Variants in ATG4C observed in about 807,000 individuals in gnomAD.
The protein encoded by ATG4C is cysteine protease ATG4C.
In ATG4C, 56 loss-of-function variants were observed where a neutral mutation model predicts 57.6. The observed-to-expected ratio is 0.97, with a 90% CI of 0.78 to 1.21. ATG4C has a LOEUF of 1.21. Ranked by LOEUF, ATG4C falls within the 50% of genes most tolerant of loss-of-function variation. The probability of loss-of-function intolerance (pLI) is 0.00; values close to 1 mark genes in which losing one functional copy is unlikely to be tolerated. For synonymous variants in ATG4C, 157 were observed against 174.1 expected, an observed-to-expected ratio of 0.90 and a Z score of 0.78; for missense variants, 595 against 529.8, an observed-to-expected ratio of 1.12 and a Z score of -1.21.
chr1:62,826,476 T>C (rs1372144340), intron 6 of ATG4C, among the ~76,000 whole-genome samples: 1 of 151,920 alleles, frequency 6.6e-6, no homozygotes, highest in African/African-American at 2.4e-5. Flanking sequence ...GACCTCGTGA[T>C]CTGCCCACCT....
At chr1:62,808,384 G>A (rs189056669) in intron 3 of ATG4C, among the ~76,000 whole-genome samples, 3 of 152,154 alleles carry the variant, frequency 2.0e-5, no homozygotes, top group African/African-American at 4.8e-5. Context: ...ATTTAAATTC[G>A]GGTATGTGTT....
chr1:62,864,787 T>G lies in ATG4C; in HGVS notation c.*628T>G, dbSNP rs1666956397. On this transcript the variant is annotated 3_prime_UTR_variant, in exon 11 of 11. Coordinates refer to ENST00000317868, the MANE Select transcript of ATG4C (RefSeq NM_032852.4). ...AGGAGTGAATATAAAGTATTGGTTT[T>G]CCCTCACAAATTTAAAGATTATGTT... 6.6e-6 allele frequency: 1 copy of G among 151,988 alleles called. No individual in the cohort carries two copies. 9.4% of individuals were successfully genotyped at this position (151,988 alleles called of 1,614,324 possible). A position where few individuals can be genotyped will look rare whatever the true frequency, so the allele number is the denominator to read the frequency against.
At chr1:62,845,635 A>G (rs981102578) in intron 10 of ATG4C, among the ~76,000 whole-genome samples, 23 of 152,188 alleles carry the variant, frequency 1.5e-4, no homozygotes, top group African/African-American at 4.3e-4. Context: ...TCATAAACAT[A>G]TTCTCCTATA....
chr1:62,799,602 T>C (rs1664588045), intron 1 of ATG4C, among the ~76,000 whole-genome samples: 1 of 152,200 alleles, frequency 6.6e-6, no homozygotes, highest in Admixed American at 6.5e-5. Flanking sequence ...TTTCTGTATC[T>C]ATCACAGCAT....
intron 1 of ATG4C, among the ~76,000 whole-genome samples, chr1:62,793,987 T>A (rs865773925): frequency 6.6e-6 from 1 of 152,240 alleles, no homozygotes; most frequent in Non-Finnish European, 1.5e-5. Flanking sequence ...CTTCGACTTA[T>A]CAGAGGTTAC....
At chr1:62,834,003 C>T (rs771858498) in intron 7 of ATG4C, 35 bp from the exon 8 acceptor site, 8 of 1,575,020 alleles carry the variant, frequency 5.1e-6, no homozygotes, top group East Asian at 2.3e-5. Context: ...TACCACTTGC[C>T]TCTTGACTAA....
At chr1:62,822,132 A>G (rs570307900) in intron 6 of ATG4C, among the ~76,000 whole-genome samples, 6 of 152,308 alleles carry the variant, frequency 3.9e-5, no homozygotes, top group Non-Finnish European at 7.4e-5. Context: ...ACTGTTAACA[A>G]TGATAAAATA....
chr1:62,837,970 A>C (rs1340598480), intron 9 of ATG4C, among the ~76,000 whole-genome samples: 2 of 152,164 alleles, frequency 1.3e-5, no homozygotes, highest in African/African-American at 2.4e-5. Context: ...ATCAGTAGGT[A>C]CTTTTTACTA....
intron 10 of ATG4C, among the ~76,000 whole-genome samples, chr1:62,853,314 C>G (rs1666577254): frequency 6.6e-6 from 1 of 152,152 alleles, no homozygotes; most frequent in Non-Finnish European, 1.5e-5. Flanking sequence ...TGCTGCACTT[C>G]TTTGTGCATC....
At chr1:62,849,941 G>A (rs1002441067) in intron 10 of ATG4C, among the ~76,000 whole-genome samples, 1 of 152,058 alleles carries the variant, frequency 6.6e-6, no homozygotes, top group Non-Finnish European at 1.5e-5. Flanking sequence ...GGTGTAAGGT[G>A]TGACTATAAA....
chr1:62,805,168 C>A lies in ATG4C; in HGVS notation c.77-4C>A, dbSNP rs759875989. The A allele has an allele frequency of 2.1e-6, 3 of 1,413,324 alleles. No homozygotes were observed. Among genetic ancestry groups the A allele is most frequent in the South Asian group, 1.7e-5 (1 of 60,528 alleles). 87.5% of individuals were successfully genotyped at this position (1,413,324 alleles called of 1,614,324 possible). The stretch of plus-strand genomic sequence containing the variant: ...TTTTCTTTTCTTTTTTTTTTTTTTG[C>A]TAGGTTGGGTGTTGAAAACAAAGAC... On this transcript the variant is annotated splice_polypyrimidine_tract_variant and splice_region_variant and intron_variant, in intron 2 of 10. Coordinates refer to ENST00000317868, the MANE Select transcript of ATG4C (RefSeq NM_032852.4).
At chr1:62,796,836 G>A (rs934756015) in intron 1 of ATG4C, among the ~76,000 whole-genome samples, 1 of 152,158 alleles carries the variant, frequency 6.6e-6, no homozygotes, top group East Asian at 1.9e-4. Context: ...GGCTGGGCGC[G>A]GTGGCTCACA....
chr1:62,846,784 C>G (rs879711226), intron 10 of ATG4C, among the ~76,000 whole-genome samples: 1 of 152,184 alleles, frequency 6.6e-6, no homozygotes, highest in African/African-American at 2.4e-5. Flanking sequence ...GTCTGAGACA[C>G]TATTGTTACT....
intron 9 of ATG4C, among the ~76,000 whole-genome samples, chr1:62,839,008 C>T (rs1381603926): frequency 6.6e-6 from 1 of 152,060 alleles, no homozygotes; most frequent in African/African-American, 2.4e-5. Context: ...AGTAATAAGA[C>T]TATTCTGGTT....
chr1:62,823,223 C>T (rs982573743), intron 6 of ATG4C, among the ~76,000 whole-genome samples: 1 of 152,204 alleles, frequency 6.6e-6, no homozygotes, highest in Non-Finnish European at 1.5e-5. Flanking sequence ...TTTCAAATAT[C>T]TCCACTTACG....
intron 10 of ATG4C, among the ~76,000 whole-genome samples, chr1:62,843,351 A>C (rs1323463297): frequency 3.3e-5 from 5 of 152,182 alleles, no homozygotes; most frequent in African/African-American, 1.2e-4. Flanking sequence ...CTTTAATAAT[A>C]GTGTTCTTCT....
At chr1:62,820,353 G>A (rs531623374) in intron 5 of ATG4C, among the ~76,000 whole-genome samples, 78 of 152,074 alleles carry the variant, frequency 5.1e-4, no homozygotes, top group African/African-American at 1.8e-3. Flanking sequence ...CCTTAAAACT[G>A]TCAAAAACCT....
At chr1:62,839,633 C>G (rs1423206362) in intron 9 of ATG4C, among the ~76,000 whole-genome samples, 2 of 152,034 alleles carry the variant, frequency 1.3e-5, no homozygotes, top group African/African-American at 4.8e-5. Context: ...GTTAACTAAC[C>G]AGTTTGTTTA....
At chr1:62,848,973 T>G (rs953290233) in intron 10 of ATG4C, among the ~76,000 whole-genome samples, 2 of 152,232 alleles carry the variant, frequency 1.3e-5, no homozygotes, top group African/African-American at 4.8e-5. Context: ...TAGATTGTCC[T>G]CTCAATTTGG....
Sources: allele counts gnomAD v4.1 joint callset (sites outside exome capture counted in the v4.1 genomes callset), GRCh38; gene constraint gnomAD v4.1.1; transcripts MANE v1.5; gene names NCBI Gene and HGNC (gene_info 2026-07-23, HGNC 2026-07-21).